Variants in PPP6R1 observed in about 807,000 individuals in gnomAD.
The protein encoded by PPP6R1 is serine/threonine-protein phosphatase 6 regulatory subunit 1.
In PPP6R1, 39 loss-of-function variants were observed where a neutral mutation model predicts 104.6. The observed-to-expected ratio is 0.37, with a 90% CI of 0.29 to 0.49. The LOEUF (loss-of-function observed/expected upper bound fraction) is 0.49, where lower values mean the gene tolerates loss of function less well. Ranked by LOEUF, PPP6R1 falls within the 20% of genes least tolerant of loss-of-function variation. The probability of loss-of-function intolerance (pLI) is 0.98; values close to 1 mark genes in which losing one functional copy is unlikely to be tolerated. For synonymous variants in PPP6R1, 549 were observed against 479.0 expected, an observed-to-expected ratio of 1.15 and a Z score of -1.91; for missense variants, 1,181 against 1,155.8, an observed-to-expected ratio of 1.02 and a Z score of -0.32.
chr19:55,234,646 G>A (rs1052812811), intron 17 of PPP6R1, among the ~76,000 whole-genome samples: 1 of 88,970 alleles, frequency 1.1e-5, no homozygotes, highest in African/African-American at 1.3e-4. Flanking sequence ...CACAGCGGCC[G>A]CACTCACAGC....
chr19:55,241,173 G>T lies in PPP6R1; in HGVS notation c.1161+66C>A. 1 of 230,360 alleles carries T rather than the reference G, an allele frequency of 4.3e-6. No individual in the cohort carries two copies. Among genetic ancestry groups the T allele is most frequent in the Admixed American group, 5.9e-5 (1 of 17,058 alleles). 14.3% of individuals were successfully genotyped at this position (230,360 alleles called of 1,614,324 possible). ...CAGCCGAGCCCCCACCCCAGCCCCC[G>T]AACCCTCAGCCCAGTCCAGTCCCCG... On this transcript the variant is annotated intron_variant, in intron 9 of 23. Coordinates refer to ENST00000412770, the MANE Select transcript of PPP6R1 (RefSeq NM_014931.4). The surrounding 1 kb of genome is among the most constrained non-coding windows in gnomAD (Gnocchi z 5.4).
In PPP6R1 at chr19:55,242,167, T is replaced by G; in HGVS notation, c.844A>C (p.Arg282=). The change falls in exon 7 of 24, where the codon AGG becomes CGG. Residue 282 remains arginine, a splice_region_variant and synonymous_variant. Coordinates refer to ENST00000412770, the MANE Select transcript of PPP6R1 (RefSeq NM_014931.4). ...TGGTCTGTGGCCCGTATCCCTCACC[T>G]CGGCCTCCTGGGCTCCAGCAGGGTC... ...LLTLLEPRRP[R]SESVTVNSFF... The G allele has an allele frequency of 6.2e-7, 1 of 1,611,762 alleles. No homozygotes were observed. Among genetic ancestry groups the G allele is most frequent in the Admixed American group, 1.7e-5 (1 of 59,942 alleles).
intron 17 of PPP6R1, chr19:55,232,989 T>C (rs2087363792): frequency 6.6e-6 from 1 of 152,232 alleles, no homozygotes; most frequent in South Asian, 2.1e-4. Flanking sequence ...CTATTGTTCC[T>C]AGACTACCGA....
chr19:55,249,947 A>G (rs973391634), intron 1 of PPP6R1, among the ~76,000 whole-genome samples: 1 of 152,084 alleles, frequency 6.6e-6, no homozygotes, highest in Non-Finnish European at 1.5e-5. Flanking sequence ...CTGCCCAGCC[A>G]GCTCACTGAC....
chr19:55,240,306 G>A lies in PPP6R1; in HGVS notation c.1297-6C>T. The A allele has an allele frequency of 6.3e-7, 1 of 1,586,528 alleles. No homozygotes were observed. The highest frequency in any genetic ancestry group is 1.2e-5 in the South Asian group (1 of 86,754). On this transcript the variant is annotated splice_polypyrimidine_tract_variant and splice_region_variant and intron_variant, in intron 10 of 23. Coordinates refer to ENST00000412770, the MANE Select transcript of PPP6R1 (RefSeq NM_014931.4). ...AGGCGGCACTGCTGCAGCAGCTGCG[G>A]GAGAGCGGGACAGGATGGCCTGGAG...
At chr19:55,228,576 A>C (rs2087308177), downstream of PPP6R1, 2 of 1,522,756 alleles carry the variant, frequency 1.3e-6, no homozygotes, top group African/African-American at 2.8e-5. Flanking sequence ...AGGCTGCCAG[A>C]ACCCAGCTTC....
At chr19:55,242,339 C>T (rs752992151) in intron 6 of PPP6R1, 37 bp downstream of exon 6, 2 of 1,612,008 alleles carry the variant, frequency 1.2e-6, no homozygotes, top group Non-Finnish European at 1.7e-6. Flanking sequence ...TTCCCCAAGT[C>T]AGCTCCCCCC....
In PPP6R1 at chr19:55,242,178, G is replaced by C. The variant is rs1430812216; in HGVS notation, c.833C>G (p.Pro278Arg). ...CCGTATCCCTCACCTCGGCCTCCTGGGCTCCAGCAGGGTCAGCAGCACCTG... is the reference window on the plus strand; with the variant it reads ...CCGTATCCCTCACCTCGGCCTCCTGCGCTCCAGCAGGGTCAGCAGCACCTG... Reference protein sequence around the residue: ...GIQVLLTLLEPRRPRSESVTV... With the variant: ...GIQVLLTLLERRRPRSESVTV... Residue 278 changes from proline (P) to arginine (R), a missense_variant, in exon 7 of 24, where the codon CCC becomes CGC. Physicochemically the swap from Pro to Arg is moderately radical, Grantham distance 103. Transcript: ENST00000412770. The C allele has an allele frequency of 1.2e-6, 2 of 1,613,290 alleles. No individual in the cohort carries two copies. The highest frequency in any genetic ancestry group is 1.7e-6 in the Non-Finnish European group (2 of 1,179,838).
chr19:55,240,514 TAC>T (rs777717878), intron 10 of PPP6R1, among the ~76,000 whole-genome samples: 13,683 of 135,492 alleles, frequency 0.1, 822 homozygotes, highest in African/African-American at 0.2. Context: ...ATGTGGTGCA[TAC>T]ACACACACAC....
intron 5 of PPP6R1, among the ~76,000 whole-genome samples, chr19:55,243,506 T>C (rs1230045791): frequency 1.3e-5 from 2 of 149,974 alleles, no homozygotes; most frequent in South Asian, 4.2e-4. Flanking sequence ...TCTCTACAAA[T>C]ACAAAAAAAT....
rs2087456787 is a variant in PPP6R1 at position 55,241,460 on chromosome 19, G to A, written c.1008+17C>T. The A allele has an allele frequency of 2.5e-6, 4 of 1,601,810 alleles. No homozygotes were observed. The highest frequency in any genetic ancestry group is 2.2e-5 in the South Asian group (2 of 90,060). On this transcript the variant is annotated intron_variant, in intron 8 of 23. Transcript: ENST00000412770. This position sits in a 1 kb window ranked among gnomAD's most constrained non-coding sequence, Gnocchi z 5.4. ...GCTTCCCCCGCCTCCCCGAGGACCA[G>A]AACCCACACCCCTGACCTTGGGAGG... is the stretch of plus-strand genomic sequence containing the variant.
intron 22 of PPP6R1, 23 bp downstream of exon 22, chr19:55,230,751 C>CCCCCCCCGGG: frequency 6.8e-7 from 1 of 1,472,566 alleles, no homozygotes; most frequent in Non-Finnish European, 9.1e-7. Context: ...CCCACCCCCC[C>CCCCCCCCGGG]GCCCTGCTGC....
At chr19:55,234,704 C>T (rs746700469) in intron 17 of PPP6R1, among the ~76,000 whole-genome samples, 1 of 152,226 alleles carries the variant, frequency 6.6e-6, no homozygotes, top group South Asian at 2.1e-4. Flanking sequence ...AAAGGCCTGT[C>T]AACTGCAGAA....
At chr19:55,240,514 TACACACACACACACACACACAC>T (rs777717878) in intron 10 of PPP6R1, among the ~76,000 whole-genome samples, 2 of 135,932 alleles carry the variant, frequency 1.5e-5, no homozygotes, top group African/African-American at 5.3e-5. Flanking sequence ...ATGTGGTGCA[TACACACACACACACACACACAC>T]ACACACACAC....
rs150296221 is a variant in PPP6R1, at chr19:55,257,804, G to A, written c.-7+631C>T. Among the ~76,000 whole-genome samples the A allele has an allele frequency of 2.3e-3, 346 of 152,346 alleles. 1 individual carries two copies. Among genetic ancestry groups the A allele is most frequent in the Non-Finnish European group, 4.3e-3 (293 of 68,036 alleles). On this transcript the variant is annotated intron_variant, in intron 1 of 23. Transcript: ENST00000412770. ...CTCCAGGGCAGGGCCTAGGGCTGAT[G>A]CCCCCTCCTCGGTGCCCAGCGCCAG... is the stretch of plus-strand genomic sequence containing the variant.
Position 55,245,049 on chromosome 19 carries a change from T to C in PPP6R1, c.618+71A>G, listed in dbSNP as rs2087494425. ...CACTGCGTCCAGCCCCAATTCCTCTTTTAAAAGTGGGGAAGTGGGCATGGG... is the reference window on the plus strand; with the variant it reads ...CACTGCGTCCAGCCCCAATTCCTCTCTTAAAAGTGGGGAAGTGGGCATGGG... On this transcript the variant is annotated intron_variant, in intron 5 of 23. Coordinates refer to ENST00000412770, the MANE Select transcript of PPP6R1 (RefSeq NM_014931.4). The surrounding 1 kb of genome is among the most constrained non-coding windows in gnomAD (Gnocchi z 6.4). The C allele has an allele frequency of 6.4e-7, 1 of 1,571,488 alleles. No homozygotes were observed. The highest frequency in any genetic ancestry group is 8.7e-7 in the Non-Finnish European group (1 of 1,155,448).
At chr19:55,237,484 C>T (rs1483635242) in intron 15 of PPP6R1, among the ~76,000 whole-genome samples, 1 of 152,198 alleles carries the variant, frequency 6.6e-6, no homozygotes, top group East Asian at 1.9e-4. Context: ...TTAAACTGTG[C>T]CTGCCAGGGC....
Position 55,242,389 on chromosome 19 carries a change from C to T in PPP6R1, c.718G>A (p.Ala240Thr), listed in dbSNP as rs747862778. 1.9e-6 allele frequency: 3 copies of T among 1,613,674 alleles called. No homozygotes were observed. Among genetic ancestry groups the T allele is most frequent in the Non-Finnish European group, 2.5e-6 (3 of 1,179,586 alleles). The stretch of plus-strand genomic sequence containing the variant: ...CCGCACACCCACTTCTCCAGGGTGG[C>T]CAGCAGTTGGTCAGGCTCTGGGCTG... Reference protein sequence around the residue: ...QDSPEPDQLLATLEKQETIEQ... With the variant: ...QDSPEPDQLLTTLEKQETIEQ... The change falls in exon 6 of 24, where the codon GCC (alanine) becomes ACC (threonine). Residue 240 changes from alanine (A) to threonine (T), a missense_variant. Physicochemically the swap from Ala to Thr is moderately conservative, Grantham distance 58. Around this residue, in one of 2 missense-constraint regions of PPP6R1, gnomAD observed 1,042 missense variants for 955.6 expected, o/e 1.09. Transcript: ENST00000412770.
At chr19:55,255,252 T>C (rs2087583932) in intron 1 of PPP6R1, among the ~76,000 whole-genome samples, 2 of 152,190 alleles carry the variant, frequency 1.3e-5, no homozygotes, top group Admixed American at 6.5e-5. Context: ...GACGGGGACT[T>C]GAACATCCAC....
Sources: gnomAD v4.1 joint callset for allele counts (sites outside exome capture counted in the v4.1 genomes callset) on GRCh38, gnomAD v4.1.1 for gene constraint, gnomAD v4.1.1 regional missense constraint, Gnocchi (gnomAD v3.1) non-coding constraint, MANE v1.5 for transcripts, NCBI Gene and HGNC (gene_info 2026-07-23, HGNC 2026-07-21) for gene names.